The following GABRR3 variants were observed in gnomAD, a reference collection of about 807,000 sequenced individuals.
GABRR3 encodes the protein gamma-aminobutyric acid receptor subunit rho-3.
GABRR3 carries 29 observed loss-of-function variants against 43.2 expected under a neutral mutation model. That is an observed-to-expected ratio of 0.67 (90% CI 0.50 to 0.92). The LOEUF is 0.92. Ranked by LOEUF, GABRR3 falls within the 40% of genes least tolerant of loss-of-function variation. GABRR3 has a pLI of 0.00. For synonymous variants in GABRR3, 206 were observed against 195.9 expected (o/e 1.05, Z -0.43); for missense variants, 576 against 572.3 (o/e 1.01, Z -0.07).
chr3:98,007,616 G>A, intron 7 of GABRR3, 148 bp downstream of exon 7: 1 of 781,216 alleles, frequency 1.3e-6, no homozygotes, highest in Non-Finnish European at 2.1e-6. Context: ...ATGGAAGGGT[G>A]GAGCTTGCTC....
chr3:97,993,681 A>G (rs1040416183), intron 8 of GABRR3, among the ~76,000 whole-genome samples: 1 of 152,132 alleles, frequency 6.6e-6, no homozygotes, highest in Non-Finnish European at 1.5e-5. Context: ...CTTACTTAGC[A>G]ACAACTAAAT....
In GABRR3 at chr3:98,012,358, G is replaced by A. The variant is rs754219768; in HGVS notation, c.516C>T (p.Val172=). Residue 172 remains valine, a synonymous_variant, in exon 5 of 10, where the codon GTC becomes GTT. Transcript: ENST00000621172. ...GCTTTCCTTACCTGAGACTTAGGAG[G>A]ACGTTTCCATCAGGGTGTACGCGCA... 1.1e-5 allele frequency: 18 copies of A among 1,613,658 alleles called. No homozygotes were observed. The South Asian group carries it at 1.9e-4, about 17-fold the overall frequency.
In GABRR3 at chr3:98,030,809, TG is replaced by T. The variant is rs550104376; in HGVS notation, c.125+4053del. ...AAACTCAGCTAACTGTTCCAAATAA[TG>T]TAGGCAAAATTTTAAAAACTTTTTG... On this transcript the variant is annotated intron_variant, in intron 2 of 9. Coordinates refer to ENST00000621172, the Ensembl canonical transcript of GABRR3. Among the ~76,000 whole-genome samples the T allele has an allele frequency of 9.9e-5, 15 of 152,280 alleles. No individual in the cohort carries two copies. The South Asian group carries it at 3.1e-3, about 32-fold the overall frequency.
At chr3:98,027,562 C>T (rs1242742647) in intron 2 of GABRR3, among the ~76,000 whole-genome samples, 1 of 152,230 alleles carries the variant, frequency 6.6e-6, no homozygotes, top group Admixed American at 6.5e-5. Flanking sequence ...AGACAGAGCC[C>T]ACTGTGAAAT....
chr3:98,035,123 G>A (rs753237009), intron 1 of GABRR3, 67 bp downstream of exon 1: 67 of 1,043,792 alleles, frequency 6.4e-5, no homozygotes, highest in East Asian at 5.0e-4. Flanking sequence ...GAAAGACATT[G>A]TCTTCAATGC....
intron 8 of GABRR3, chr3:97,997,758 A>G (rs183757954): frequency 1.3e-5 from 2 of 152,362 alleles, no homozygotes; most frequent in African/African-American, 4.8e-5. Context: ...ATCAAAAACC[A>G]TGATGGTCAC....
chr3:98,014,823 G>T (rs1283557707), intron 4 of GABRR3, among the ~76,000 whole-genome samples: 1 of 152,096 alleles, frequency 6.6e-6, no homozygotes, highest in Non-Finnish European at 1.5e-5. Context: ...TATTTTCTAG[G>T]TCCCTCCCTC....
rs1706807040 is a variant in GABRR3, at chr3:98,012,535, G to C, written c.339C>G (p.Tyr113Ter). The C allele has an allele frequency of 6.2e-7, 1 of 1,613,790 alleles. No homozygotes were observed. Among genetic ancestry groups the C allele is most frequent in the Non-Finnish European group, 8.5e-7 (1 of 1,179,848 alleles). The change falls in exon 5 of 10, where the codon TAC becomes TAG. Residue 113 changes from tyrosine to a stop codon, truncating the protein, a stop_gained. Transcript: ENST00000621172. LOFTEE classifies it high-confidence loss of function. ...GAAAGGAGAGCCTCTCGTCTTTCCA[G>C]TAATGCCTGAGATAAAAAGTCATTG...
chr3:97,994,543 G>A (rs1465582154), intron 8 of GABRR3, among the ~76,000 whole-genome samples: 1 of 152,186 alleles, frequency 6.6e-6, no homozygotes, highest in East Asian at 1.9e-4. Flanking sequence ...GGTGCTGTCT[G>A]TATTCCCTGG....
chr3:98,001,580 A>T, intron 8 of GABRR3, 35 bp downstream of exon 8: 1 of 1,609,272 alleles, frequency 6.2e-7, no homozygotes, highest in Non-Finnish European at 8.5e-7. Context: ...ACTTTCTCCC[A>T]TGTTAACATT....
At chr3:97,986,974 C>G (rs772241465) in exon 10 of GABRR3, 3 of 1,563,230 alleles carry the variant, frequency 1.9e-6, no homozygotes, top group African/African-American at 2.8e-5. Context: ...TATTGTACAT[C>G]CTAGAAATCT....
intron 8 of GABRR3, chr3:98,001,250 G>A (rs1369809264): frequency 1.0e-5 from 2 of 192,036 alleles, no homozygotes; most frequent in African/African-American, 2.3e-5. Flanking sequence ...TGTGATGTAA[G>A]GGTTTGTCCT....
intron 7 of GABRR3, among the ~76,000 whole-genome samples, chr3:98,006,040 TTAAG>T (rs780156409): frequency 5.9e-5 from 9 of 152,072 alleles, no homozygotes; most frequent in Non-Finnish European, 1.3e-4. Flanking sequence ...TAATTTAGGA[TTAAG>T]TAAGAACATT....
intron 2 of GABRR3, among the ~76,000 whole-genome samples, chr3:98,033,852 TC>T (rs762262530): frequency 6.6e-6 from 1 of 152,170 alleles, no homozygotes; most frequent in Non-Finnish European, 1.5e-5. Context: ...TGAGCAGTAG[TC>T]CCTGATTTTT....
chr3:98,012,484 TGTC>T (rs1350408712), exon 5 of GABRR3: 29 of 1,613,880 alleles, frequency 1.8e-5, no homozygotes, highest in Non-Finnish European at 2.2e-5. Flanking sequence ...TATGATCAAA[TGTC>T]ATGCTTTTGT....
intron 2 of GABRR3, among the ~76,000 whole-genome samples, chr3:98,031,588 A>T (rs970622152): frequency 3.9e-5 from 6 of 152,076 alleles, no homozygotes; most frequent in African/African-American, 1.4e-4. Context: ...CTACCAAAAA[A>T]ATATAAAAGC....
chr3:98,013,394 A>T (rs550206805), intron 4 of GABRR3, among the ~76,000 whole-genome samples: 1 of 152,338 alleles, frequency 6.6e-6, no homozygotes, highest in South Asian at 2.1e-4. Flanking sequence ...GATGTTCCAA[A>T]TATTTGGTTG....
chr3:98,024,389 A>AAAAAC (rs1706985661), intron 3 of GABRR3, among the ~76,000 whole-genome samples: 1 of 151,290 alleles, frequency 6.6e-6, no homozygotes, highest in African/African-American at 2.4e-5. Context: ...AAAAAAAAAA[A>AAAAAC]AGAACAGGAA....
At chr3:98,017,772 T>C in intron 3 of GABRR3, 50 bp from the exon 4 acceptor site, 1 of 1,209,844 alleles carries the variant, frequency 8.3e-7, no homozygotes, top group Non-Finnish European at 1.2e-6. Context: ...TATAATCATT[T>C]TAAAACCATT....
Sources: gnomAD v4.1 joint callset for allele counts (sites outside exome capture counted in the v4.1 genomes callset) on GRCh38, gnomAD v4.1.1 for gene constraint, MANE v1.5 for transcripts, NCBI Gene and HGNC (gene_info 2026-07-23, HGNC 2026-07-21) for gene names.